Variants in TMEM51 observed in about 807,000 individuals in gnomAD.
TMEM51 encodes transmembrane protein 51.
TMEM51 carries 8 observed loss-of-function variants against 13.6 expected under a neutral mutation model. The ratio of observed to expected loss-of-function variants is 0.59; its 90% confidence interval spans 0.35 to 1.07. TMEM51 has a LOEUF of 1.07. TMEM51 is among the 50% of genes least tolerant of loss of function. TMEM51 has a pLI of 0.02. For missense variants in TMEM51, 279 were observed against 330.7 expected (o/e 0.84, Z 1.21); for synonymous variants, 147 against 144.4 (o/e 1.02, Z -0.13).
intron 1 of TMEM51, among the ~76,000 whole-genome samples, chr1:15,208,576 A>G (rs932032684): frequency 1.3e-5 from 2 of 152,170 alleles, no homozygotes; most frequent in African/African-American, 4.8e-5. Flanking sequence ...GGCTGCAGTG[A>G]GCTATGGGTG....
chr1:15,167,154 CG>C (rs1419044612), intron 1 of TMEM51, among the ~76,000 whole-genome samples: 1 of 151,706 alleles, frequency 6.6e-6, no homozygotes, highest in Non-Finnish European at 1.5e-5. Flanking sequence ...GGTTAAACCC[CG>C]TCTCTCCTAA....
intron 1 of TMEM51, among the ~76,000 whole-genome samples, chr1:15,190,881 G>T (rs1034325933): frequency 7.2e-5 from 11 of 151,992 alleles, no homozygotes; most frequent in Non-Finnish European, 1.5e-4. Context: ...TCCACCTCCC[G>T]GGTTCAAGCA....
chr1:15,202,830 T>G (rs928713609), intron 1 of TMEM51, among the ~76,000 whole-genome samples: 3 of 152,210 alleles, frequency 2.0e-5, no homozygotes, highest in African/African-American at 7.2e-5. Context: ...GCCTCCCATG[T>G]GCCTGTTCCC....
intron 1 of TMEM51, chr1:15,171,174 T>A (rs1643258493): frequency 7.7e-7 from 1 of 1,302,582 alleles, no homozygotes; most frequent in Non-Finnish European, 1.0e-6. Context: ...GGATTTGCAT[T>A]TCTAACCAGC....
At chr1:15,206,479 A>C (rs1030073327) in intron 1 of TMEM51, among the ~76,000 whole-genome samples, 11 of 152,204 alleles carry the variant, frequency 7.2e-5, no homozygotes, top group African/African-American at 2.6e-4. Flanking sequence ...CTTTGTGGGA[A>C]CCCGCATAGT....
intron 1 of TMEM51, among the ~76,000 whole-genome samples, chr1:15,163,296 C>T (rs1013444719): frequency 3.3e-5 from 5 of 152,072 alleles, no homozygotes; most frequent in Non-Finnish European, 7.3e-5. Context: ...TTTGCCCCTT[C>T]CCTATGCTGG....
chr1:15,163,983 C>T (rs947121509), intron 1 of TMEM51, among the ~76,000 whole-genome samples: 1 of 151,854 alleles, frequency 6.6e-6, no homozygotes, highest in African/African-American at 2.4e-5. Flanking sequence ...GCATGCACCA[C>T]CATGCCTGGC....
chr1:15,192,470 T>TTTTTTTTTTTTTA lies in TMEM51; in HGVS notation c.-266-18020_-266-18019insTTTTTTTTTTTTA, dbSNP rs3078880. 4.2e-3 allele frequency: 1,057 copies of TTTTTTTTTTTTTA among 250,736 alleles called. 49 individuals are homozygous for TTTTTTTTTTTTTA. The highest frequency in any genetic ancestry group is 0.025 in the African/African-American group (949 of 37,936). 15.5% of individuals were successfully genotyped at this position (250,736 alleles called of 1,614,324 possible). A position where few individuals can be genotyped will look rare whatever the true frequency, so the allele number is the denominator to read the frequency against. Reference sequence around the variant, plus strand: ...TCTTTCTTTTCTTTTCCTTTTTTTTTATGACAGAATCTTGCTCTGCTGCCC... The same window carrying TTTTTTTTTTTTTA: ...TCTTTCTTTTCTTTTCCTTTTTTTTTTTTTTTTTTTTTAATGACAGAATCTTGCTCTGCTGCCC... On this transcript the variant is annotated intron_variant, in intron 1 of 3. Transcript: ENST00000376008.
intron 2 of TMEM51, among the ~76,000 whole-genome samples, chr1:15,211,688 C>A (rs1644340522): frequency 6.6e-6 from 1 of 152,032 alleles, no homozygotes; most frequent in African/African-American, 2.4e-5. Context: ...TCACTCTTAA[C>A]CACTCAGCTA....
intron 1 of TMEM51, among the ~76,000 whole-genome samples, chr1:15,203,508 G>A (rs12098146): frequency 0.031 from 4,687 of 151,392 alleles, 233 homozygotes; most frequent in African/African-American, 0.1. Flanking sequence ...TGATCCACCC[G>A]CATCGGCTTC....
chr1:15,160,903 A>G (rs1642759397), intron 1 of TMEM51, among the ~76,000 whole-genome samples: 1 of 140,130 alleles, frequency 7.1e-6, no homozygotes, highest in Admixed American at 7.0e-5. Context: ...GGCAGCAGGG[A>G]TTGTACCTTA....
intron 1 of TMEM51, among the ~76,000 whole-genome samples, chr1:15,156,206 C>T (rs1642586944): frequency 6.6e-6 from 1 of 152,210 alleles, no homozygotes; most frequent in South Asian, 2.1e-4. Flanking sequence ...AGCTGCGACT[C>T]TCCGGCTCGC....
intron 3 of TMEM51, among the ~76,000 whole-genome samples, chr1:15,215,942 G>A (rs1436768203): frequency 1.3e-5 from 2 of 152,112 alleles, no homozygotes; most frequent in Admixed American, 6.5e-5. Context: ...CATGAGAATC[G>A]CTTGAACCCA....
chr1:15,198,857 C>T (rs745504737), intron 1 of TMEM51, among the ~76,000 whole-genome samples: 7 of 152,200 alleles, frequency 4.6e-5, no homozygotes, highest in East Asian at 1.9e-4. Context: ...TGAGCTGTGC[C>T]GGGCAGGTGA....
At position 15,159,325 on chromosome 1, in the gene TMEM51, A is replaced by G. The variant is rs192618365; in HGVS notation, c.-267+5371A>G. On this transcript the variant is annotated intron_variant, in intron 1 of 3. Coordinates refer to ENST00000376008, the MANE Select transcript of TMEM51 (RefSeq NM_001136218.2). ...CACATTGAGGAGAATCTGCAGATGT[A>G]GACCCTTGACCCCTCCACAAATGAG... is the stretch of plus-strand genomic sequence containing the variant. Among the ~76,000 whole-genome samples the G allele has an allele frequency of 5.7e-3, 874 of 152,288 alleles. 10 individuals carry two copies. Among genetic ancestry groups the G allele is most frequent in the African/African-American group, 0.02 (843 of 41,566 alleles).
In TMEM51 at chr1:15,220,182, G is replaced by C. The variant is rs1228831566; in HGVS notation, c.*439G>C. ...TGTCTACGCTGGAGTCCTGAACTGT[G>C]GGTAGAAAACACGACCTGGCTTTGT... On this transcript the variant is annotated 3_prime_UTR_variant, in exon 4 of 4. Coordinates refer to ENST00000376008, the MANE Select transcript of TMEM51 (RefSeq NM_001136218.2). The C allele has an allele frequency of 1.2e-5, 2 of 167,720 alleles. 1 individual carries two copies. Among genetic ancestry groups the C allele is most frequent in the African/African-American group, 4.8e-5 (2 of 41,792 alleles). The allele number at this position is 167,720 out of a possible 1,614,324, so 10.4% of individuals were successfully genotyped here. A position where few individuals can be genotyped will look rare whatever the true frequency, so the allele number is the denominator to read the frequency against.
chr1:15,171,436 G>A (rs1448241584), intron 1 of TMEM51: 8 of 863,562 alleles, frequency 9.3e-6, no homozygotes, highest in African/African-American at 7.1e-5. Flanking sequence ...CTGGGTACAC[G>A]GGCAAACTGG....
intron 1 of TMEM51, among the ~76,000 whole-genome samples, chr1:15,157,196 CT>C (rs1642618390): frequency 6.6e-6 from 1 of 152,204 alleles, no homozygotes; most frequent in Non-Finnish European, 1.5e-5. Flanking sequence ...CTGAGCTCCC[CT>C]GACCCTCGAC....
At chr1:15,217,981 C>T (rs1410037651) in intron 3 of TMEM51, among the ~76,000 whole-genome samples, 1 of 152,184 alleles carries the variant, frequency 6.6e-6, no homozygotes, top group African/African-American at 2.4e-5. Flanking sequence ...TCATCATTCC[C>T]CACCCTAGCT....
Sources: allele counts gnomAD v4.1 joint callset (sites outside exome capture counted in the v4.1 genomes callset), GRCh38; gene constraint gnomAD v4.1.1; transcripts MANE v1.5; gene names NCBI Gene and HGNC (gene_info 2026-07-23, HGNC 2026-07-21).